Variants in OPHN1 observed in about 807,000 individuals in gnomAD.
OPHN1 encodes the protein oligophrenin-1.
In OPHN1, 11 loss-of-function variants were observed where a neutral mutation model predicts 60.7. That is an observed-to-expected ratio of 0.18 (90% CI 0.11 to 0.30). The LOEUF (loss-of-function observed/expected upper bound fraction) is 0.30, where lower values mean the gene tolerates loss of function less well. OPHN1 is among the 10% of genes least tolerant of loss of function. The probability of loss-of-function intolerance (pLI) is 1.00; values close to 1 mark genes in which losing one functional copy is unlikely to be tolerated. For synonymous variants in OPHN1, 226 were observed against 222.6 expected (o/e 1.02, Z -0.14); for missense variants, 449 against 611.0 (o/e 0.73, Z 2.80).
chrX:68,377,682 G>T (rs745864324), intron 2 of OPHN1, among the ~76,000 whole-genome samples: 1 of 108,693 alleles, frequency 9.2e-6, no homozygotes, highest in East Asian at 2.9e-4. Flanking sequence ...TATGCGGTGT[G>T]CGGTTTTCTG....
Position 68,105,130 on chromosome X carries a change from T to G in OPHN1, c.1526+6724A>C, listed in dbSNP as rs184422825. The stretch of plus-strand genomic sequence containing the variant: ...AGATACCATCTCACGCCAGTTAGAA[T>G]GGCAGTCATTAAAAAGTCAGGAAAC... On this transcript the variant is annotated intron_variant, in intron 18 of 24. Transcript: ENST00000355520. 2.3e-4 allele frequency among the ~76,000 whole-genome samples: 25 copies of G among 110,813 alleles called. 1 individual carries two copies. The East Asian group carries it at 3.4e-3, about 15-fold the overall frequency.
At chrX:68,371,341 C>T (rs1383022117) in intron 2 of OPHN1, among the ~76,000 whole-genome samples, 1 of 109,655 alleles carries the variant, frequency 9.1e-6, no homozygotes, top group Admixed American at 9.9e-5. Context: ...CCTCAGCCTC[C>T]TGAGTAACTG....
chrX:68,105,175 G>A (rs984137352), intron 18 of OPHN1, among the ~76,000 whole-genome samples: 3 of 111,024 alleles, frequency 2.7e-5, no homozygotes, highest in African/African-American at 9.8e-5. Flanking sequence ...TGGAGAGGAT[G>A]TGGAGAAATA....
At chrX:68,156,354 A>T (rs2077309762) in intron 15 of OPHN1, among the ~76,000 whole-genome samples, 1 of 108,956 alleles carries the variant, frequency 9.2e-6, no homozygotes, top group Non-Finnish European at 1.9e-5. Flanking sequence ...AAAAAAAAAG[A>T]TAAAAAAAGA....
chrX:68,059,233 T>C (rs2076884373), intron 21 of OPHN1, among the ~76,000 whole-genome samples: 1 of 112,125 alleles, frequency 8.9e-6, no homozygotes. Flanking sequence ...CTCTCTCTAA[T>C]CTCTGTCAAA....
chrX:68,354,510 C>A (rs2147708670), intron 2 of OPHN1, among the ~76,000 whole-genome samples: 1 of 99,632 alleles, frequency 1.0e-5, no homozygotes, highest in African/African-American at 3.8e-5. Flanking sequence ...GTAATCCCAG[C>A]ACTTTGGGAG....
intron 3 of OPHN1, among the ~76,000 whole-genome samples, chrX:68,290,820 T>C (rs2147617069): frequency 9.1e-6 from 1 of 109,679 alleles, no homozygotes; most frequent in South Asian, 4.0e-4. Flanking sequence ...AGCTATGTGA[T>C]CCTGGGCAAG....
At chrX:68,318,496 G>GC (rs2078220152) in intron 2 of OPHN1, among the ~76,000 whole-genome samples, 1 of 112,012 alleles carries the variant, frequency 8.9e-6, no homozygotes, top group African/African-American at 3.2e-5. Context: ...AAAGGCATGA[G>GC]CCACAGTACC....
At position 68,299,110 on chromosome X, in the gene OPHN1, G is replaced by A. The variant is rs371411324; in HGVS notation, c.155-14C>T. On this transcript the variant is annotated splice_polypyrimidine_tract_variant and intron_variant, in intron 2 of 24. Coordinates refer to ENST00000355520, the MANE Select transcript of OPHN1 (RefSeq NM_002547.3). The stretch of plus-strand genomic sequence containing the variant: ...CAGAAGAATAATCTGCAAAGGAAGG[G>A]TAACAAGAGAAATGTTCAACAATGC... 25 of 1,050,171 alleles carry A rather than the reference G, an allele frequency of 2.4e-5. 1 individual carries two copies. In the Middle Eastern group the frequency reaches 3.3e-3, roughly 141 times the overall value. 86.5% of individuals were successfully genotyped at this position (1,050,171 alleles called of 1,213,427 possible).
intron 5 of OPHN1, among the ~76,000 whole-genome samples, chrX:68,258,118 A>G (rs1408837013): frequency 9.1e-6 from 1 of 110,320 alleles, no homozygotes; most frequent in Non-Finnish European, 1.9e-5. Context: ...TACTCTAGTG[A>G]AGGATGGCAA....
At chrX:68,054,877 C>T (rs933116150) in intron 21 of OPHN1, among the ~76,000 whole-genome samples, 26 of 111,795 alleles carry the variant, frequency 2.3e-4, no homozygotes, top group African/African-American at 8.4e-4. Context: ...TATATTCATC[C>T]ATTTTTTTCT....
Position 68,048,463 on chromosome X carries a change from G to A in OPHN1, c.2376-6C>T. 8.3e-7 allele frequency: 1 copy of A among 1,206,635 alleles called. No homozygotes were observed. The highest frequency in any genetic ancestry group is 1.1e-6 in the Non-Finnish European group (1 of 891,177). ...CAGGAAGTCTGCCTTGAGAACTGTG[G>A]ATAAAGAAAGACGTTTCACTAAGAT... is the stretch of plus-strand genomic sequence containing the variant. On this transcript the variant is annotated splice_region_variant and splice_polypyrimidine_tract_variant and intron_variant, in intron 23 of 24. Coordinates refer to ENST00000355520, the MANE Select transcript of OPHN1 (RefSeq NM_002547.3).
intron 18 of OPHN1, among the ~76,000 whole-genome samples, chrX:68,101,694 C>T (rs1395026331): frequency 8.9e-6 from 1 of 112,054 alleles, no homozygotes; most frequent in Non-Finnish European, 1.9e-5. Context: ...TTATCATTGC[C>T]TAGATGTATT....
At chrX:68,067,517 T>C (rs1365666900) in intron 20 of OPHN1, among the ~76,000 whole-genome samples, 3 of 110,804 alleles carry the variant, frequency 2.7e-5, no homozygotes, top group African/African-American at 6.6e-5. Context: ...AGTGGCATTA[T>C]CAAATATGCA....
At chrX:68,188,582 A>G (rs1356574076) in intron 15 of OPHN1, among the ~76,000 whole-genome samples, 1 of 112,178 alleles carries the variant, frequency 8.9e-6, no homozygotes, top group African/African-American at 3.2e-5. Flanking sequence ...GCTAAAGATC[A>G]CATCATACGA....
intron 15 of OPHN1, among the ~76,000 whole-genome samples, chrX:68,177,570 T>C (rs1952296): frequency 0.35 from 37,983 of 109,877 alleles, 5,530 homozygotes; most frequent in African/African-American, 0.52. Context: ...CTCACGGTTC[T>C]GCAGGCTATA....
intron 6 of OPHN1, among the ~76,000 whole-genome samples, chrX:68,222,720 T>C (rs1290479229): frequency 1.0e-5 from 1 of 95,605 alleles, no homozygotes. Context: ...TAGGTGGGAA[T>C]TGAACAATGA....
At chrX:68,049,636 C>T (rs1026874004) in intron 23 of OPHN1, among the ~76,000 whole-genome samples, 3 of 111,945 alleles carry the variant, frequency 2.7e-5, no homozygotes, top group African/African-American at 9.7e-5. Context: ...ACTTGGTCAG[C>T]TCAGAATGTG....
intron 3 of OPHN1, among the ~76,000 whole-genome samples, chrX:68,293,938 G>A (rs1383068558): frequency 1.8e-5 from 2 of 110,537 alleles, no homozygotes; most frequent in South Asian, 3.9e-4. Context: ...GCATCATCCC[G>A]TCCCCCAATA....
Sources: allele counts gnomAD v4.1 joint callset (sites outside exome capture counted in the v4.1 genomes callset), GRCh38; gene constraint gnomAD v4.1.1; transcripts MANE v1.5; gene names NCBI Gene and HGNC (gene_info 2026-07-23, HGNC 2026-07-21).